KCNN2: variants seen among roughly 807,000 people sequenced by gnomAD.
The protein encoded by KCNN2 is small conductance calcium-activated potassium channel protein 2.
In KCNN2, 24 loss-of-function variants were observed where a neutral mutation model predicts 55.5. The observed-to-expected ratio is 0.43, with a 90% CI of 0.31 to 0.61. The LOEUF (loss-of-function observed/expected upper bound fraction) is 0.61, where lower values mean the gene tolerates loss of function less well. Among genes scored for constraint, KCNN2 ranks in the 20% least tolerant of loss-of-function variants. KCNN2 has a pLI of 0.08. For missense variants in KCNN2, 754 were observed against 853.6 expected (o/e 0.88, Z 1.45); for synonymous variants, 431 against 336.1 (o/e 1.28, Z -3.09).
At position 114,280,003 on chromosome 5, in the gene KCNN2, A is replaced by G. The variant is rs377555598; in HGVS notation, c.-185+58438A>G. ...TAATGATCACCATTCTAACTGGTGT[A>G]AGATGGTATCTCACTGTGGTTTTGA... On this transcript the variant is annotated intron_variant, in intron 2 of 10. Coordinates refer to the KCNN2 transcript ENST00000512097. Among the ~76,000 whole-genome samples the G allele has an allele frequency of 2.9e-4, 44 of 152,284 alleles. 2 individuals are homozygous for G. In the South Asian group the frequency reaches 8.3e-3, roughly 29 times the overall value.
intron 1 of KCNN2, among the ~76,000 whole-genome samples, chr5:114,128,491 T>G (rs943239437): frequency 1.3e-5 from 2 of 152,150 alleles, no homozygotes; most frequent in African/African-American, 2.4e-5. Flanking sequence ...ATGTGGGGAT[T>G]ATGGGAACTA....
intron 2 of KCNN2, among the ~76,000 whole-genome samples, chr5:114,276,319 G>T (rs1408700589): frequency 6.6e-6 from 1 of 152,156 alleles, no homozygotes; most frequent in Non-Finnish European, 1.5e-5. Flanking sequence ...ATTTGGGGTG[G>T]AGAGTTCTGT....
At chr5:114,307,226 G>A (rs1756299768) in intron 2 of KCNN2, among the ~76,000 whole-genome samples, 1 of 152,136 alleles carries the variant, frequency 6.6e-6, no homozygotes, top group South Asian at 2.1e-4. Context: ...ATCAGTCAGT[G>A]GGTTCTCAGT....
chr5:114,145,277 C>G (rs1313865265), intron 1 of KCNN2, among the ~76,000 whole-genome samples: 1 of 152,102 alleles, frequency 6.6e-6, no homozygotes. Flanking sequence ...CTTTAGGAGC[C>G]CAATCAACAA....
At chr5:114,160,833 C>G (rs9687644) in intron 1 of KCNN2, among the ~76,000 whole-genome samples, 67,484 of 151,646 alleles carry the variant, frequency 0.45, 15,555 homozygotes, top group Middle Eastern at 0.55. Flanking sequence ...CAACCCCTGC[C>G]TTTTTTTGTT....
At chr5:114,327,153 TAC>T (rs1456149816) in intron 2 of KCNN2, among the ~76,000 whole-genome samples, 3 of 152,230 alleles carry the variant, frequency 2.0e-5, no homozygotes, top group Non-Finnish European at 4.4e-5. Flanking sequence ...TTAGTTTTGA[TAC>T]AGTGAGAAGT....
intron 6 of KCNN2, among the ~76,000 whole-genome samples, chr5:114,489,372 G>A (rs565861256): frequency 4.6e-5 from 7 of 152,168 alleles, no homozygotes; most frequent in South Asian, 2.1e-4. Flanking sequence ...AAGGCATGTC[G>A]GCCCTTTCTT....
chr5:114,280,432 A>C (rs1392341823), intron 2 of KCNN2, among the ~76,000 whole-genome samples: 1 of 152,136 alleles, frequency 6.6e-6, no homozygotes, highest in East Asian at 1.9e-4. Flanking sequence ...TTATGGTTTT[A>C]GGTCTAATAT....
In KCNN2 at chr5:114,409,867, T is replaced by TTC. The variant is rs377480191; in HGVS notation, c.1637+5031_1637+5032dup. Among the ~76,000 whole-genome samples, 399 of 150,066 alleles carry TTC rather than the reference T, an allele frequency of 2.7e-3. 1 individual carries two copies. Among genetic ancestry groups the TTC allele is most frequent in the African/African-American group, 5.4e-3 (223 of 41,062 alleles). ...ATTTTTTACCTGTAGGTAATAAAAATTCTCTCTCTCTCTCTCTCTCTTTTT... is the reference window on the plus strand; with the variant it reads ...ATTTTTTACCTGTAGGTAATAAAAATTCTCTCTCTCTCTCTCTCTCTCTTTTT... On this transcript the variant is annotated intron_variant, in intron 3 of 7. Transcript: ENST00000673685.
chr5:114,378,489 T>C (rs564703418), intron 2 of KCNN2, among the ~76,000 whole-genome samples: 101 of 152,290 alleles, frequency 6.6e-4, no homozygotes, highest in Admixed American at 1.3e-3. Flanking sequence ...TAGATGCCGA[T>C]TGGGAAGTGC....
chr5:114,115,145 T>A (rs1751685682), intron 1 of KCNN2, among the ~76,000 whole-genome samples: 1 of 152,160 alleles, frequency 6.6e-6, no homozygotes, highest in African/African-American at 2.4e-5. Context: ...TTTCATTGAG[T>A]TCACTAAGCC....
At chr5:114,203,547 G>A (rs1753715961) in intron 1 of KCNN2, among the ~76,000 whole-genome samples, 1 of 152,000 alleles carries the variant, frequency 6.6e-6, no homozygotes, top group Non-Finnish European at 1.5e-5. Flanking sequence ...ATCTCATCCT[G>A]ACCTTTGAGT....
At chr5:114,206,082 G>A (rs1049871015) in intron 1 of KCNN2, among the ~76,000 whole-genome samples, 10 of 152,174 alleles carry the variant, frequency 6.6e-5, no homozygotes, top group African/African-American at 1.4e-4. Flanking sequence ...TATTTTTCCC[G>A]TCTTTGATTG....
chr5:114,107,781 T>C (rs1338046698), intron 1 of KCNN2, among the ~76,000 whole-genome samples: 1 of 151,778 alleles, frequency 6.6e-6, no homozygotes, highest in African/African-American at 2.4e-5. Flanking sequence ...CAATTTTATC[T>C]ATCTATCTGT....
intron 2 of KCNN2, among the ~76,000 whole-genome samples, chr5:114,231,873 C>G (rs925883563): frequency 3.3e-5 from 5 of 149,856 alleles, no homozygotes; most frequent in Admixed American, 3.3e-4. Context: ...CTGTTAAAAC[C>G]TTCTACTTGG....
At chr5:114,114,152 C>T (rs1224738357) in intron 1 of KCNN2, among the ~76,000 whole-genome samples, 3 of 152,108 alleles carry the variant, frequency 2.0e-5, no homozygotes, top group East Asian at 1.9e-4. Flanking sequence ...TACAGAAGGA[C>T]ATTTCTGTGT....
rs1554083355 is a variant in KCNN2, at chr5:114,362,863, G to C, written c.724G>C (p.Glu242Gln). ...CCGGAACCTGCACGAGATGGACTCA[G>C]AGGCGCAGCCCCTGCAGCCCCCCGC... ...SRRNLHEMDS[E>Q]AQPLQPPASV... Residue 242 changes from glutamate to glutamine, a missense_variant, in exon 1 of 8, where the codon GAG becomes CAG. This residue lies in a region of KCNN2 where 381 missense variants were observed against 259.1 expected (regional missense o/e 1.47). Coordinates refer to ENST00000673685, the MANE Select transcript of KCNN2 (RefSeq NM_021614.4). The C allele has an allele frequency of 6.3e-7, 1 of 1,599,920 alleles. No individual in the cohort carries two copies. Among genetic ancestry groups the C allele is most frequent in the Non-Finnish European group, 8.5e-7 (1 of 1,178,954 alleles).
rs891197120 is a variant in KCNN2, at chr5:114,446,324, T to C, written c.1638-16725T>C. Among the ~76,000 whole-genome samples, 6 of 152,230 alleles carry C rather than the reference T, an allele frequency of 3.9e-5. No homozygotes were observed. The East Asian group carries it at 1.2e-3, about 29-fold the overall frequency. ...TTTACTTTGGCAAAGAGGAAGTTCT[T>C]AGTGAATCTTAATGGCTAAATTGAA... On this transcript the variant is annotated intron_variant, in intron 3 of 7. Coordinates refer to ENST00000673685, the MANE Select transcript of KCNN2 (RefSeq NM_021614.4).
chr5:114,061,605 CTG>C lies in KCNN2; in HGVS notation c.-271+5108_-271+5109del, dbSNP rs1353866165. ...ACCTTTGTGGGCATGGGGTTTGATT[CTG>C]TGAGTTCATTGCTTGGGTTTGATGG... On this transcript the variant is annotated intron_variant, in intron 1 of 10. Transcript: ENST00000512097. 2.0e-5 allele frequency among the ~76,000 whole-genome samples: 3 copies of C among 152,052 alleles called. No individual in the cohort carries two copies. In the East Asian group the frequency reaches 5.8e-4, roughly 29 times the overall value.
Sources: allele counts gnomAD v4.1 joint callset (sites outside exome capture counted in the v4.1 genomes callset), GRCh38; gene constraint gnomAD v4.1.1; regional missense constraint gnomAD v4.1.1; transcripts MANE v1.5; gene names NCBI Gene and HGNC (gene_info 2026-07-23, HGNC 2026-07-21).